ADAMTSL1: variants seen among roughly 807,000 people sequenced by gnomAD.
ADAMTSL1 encodes the protein ADAMTS like 1.
Under a neutral mutation model 201.8 loss-of-function variants are expected in ADAMTSL1, and 126 were observed. The observed-to-expected ratio is 0.62, with a 90% confidence interval of 0.54 to 0.72. The LOEUF (loss-of-function observed/expected upper bound fraction) is 0.72. Ranked by LOEUF, ADAMTSL1 falls within the 30% of genes least tolerant of loss-of-function variation. ADAMTSL1 has a pLI of 0.00. For missense variants in ADAMTSL1, 2,679 were observed against 2,277.8 expected (o/e 1.18, Z -3.59); for synonymous variants, 1,121 against 903.4 (o/e 1.24, Z -4.32).
intron 4 of ADAMTSL1, among the ~76,000 whole-genome samples, chr9:18,581,417 C>T (rs181626780): frequency 2.0e-5 from 3 of 152,146 alleles, no homozygotes; most frequent in Non-Finnish European, 2.9e-5. Context: ...ACAATTCAAC[C>T]CATGACAGCC....
chr9:18,310,483 A>G (rs555669582), intron 2 of ADAMTSL1, among the ~76,000 whole-genome samples: 1 of 151,916 alleles, frequency 6.6e-6, no homozygotes, highest in Non-Finnish European at 1.5e-5. Context: ...AATATCCAGA[A>G]TCTATAAGGA....
chr9:18,526,024 C>G (rs1819021467), intron 2 of ADAMTSL1, among the ~76,000 whole-genome samples: 1 of 152,116 alleles, frequency 6.6e-6, no homozygotes, highest in African/African-American at 2.4e-5. Flanking sequence ...ATTGATCTGT[C>G]CAATGTTGAC....
chr9:18,338,696 C>G (rs148386671), intron 2 of ADAMTSL1, among the ~76,000 whole-genome samples: 8 of 152,226 alleles, frequency 5.3e-5, no homozygotes, highest in African/African-American at 1.9e-4. Flanking sequence ...GCTGCAGGAG[C>G]TTGATGTACA....
chr9:18,899,985 T>C (rs1407745098), intron 26 of ADAMTSL1, among the ~76,000 whole-genome samples: 1 of 152,100 alleles, frequency 6.6e-6, no homozygotes, highest in Non-Finnish European at 1.5e-5. Context: ...AAAGAAACTA[T>C]CATTAGAGAG....
intron 1 of ADAMTSL1, among the ~76,000 whole-genome samples, chr9:18,485,066 T>C (rs533147130): frequency 6.6e-6 from 1 of 152,208 alleles, no homozygotes; most frequent in Non-Finnish European, 1.5e-5. Context: ...AATTATCTAA[T>C]TCTCATAAGA....
At chr9:18,089,981 G>A (rs1823937441) in intron 1 of ADAMTSL1, among the ~76,000 whole-genome samples, 1 of 152,078 alleles carries the variant, frequency 6.6e-6, no homozygotes, top group Admixed American at 6.5e-5. Context: ...ATTAAGTTTG[G>A]TAAAATACAG....
intron 2 of ADAMTSL1, among the ~76,000 whole-genome samples, chr9:18,467,518 T>C (rs955309121): frequency 6.6e-6 from 1 of 152,238 alleles, no homozygotes; most frequent in Non-Finnish European, 1.5e-5. Context: ...ATATCTATGA[T>C]ATATAATGCA....
chr9:18,016,618 GA>G (rs772776064), intron 1 of ADAMTSL1, among the ~76,000 whole-genome samples: 1 of 151,896 alleles, frequency 6.6e-6, no homozygotes, highest in Non-Finnish European at 1.5e-5. Context: ...TTATAAAATG[GA>G]ATACAAATTA....
intron 23 of ADAMTSL1, among the ~76,000 whole-genome samples, chr9:18,879,988 G>A (rs1828427183): frequency 1.3e-5 from 2 of 152,198 alleles, no homozygotes; most frequent in Admixed American, 1.3e-4. Flanking sequence ...TTCACCAAGA[G>A]TAGATTCCAT....
chr9:18,333,150 A>AT lies in ADAMTSL1; in HGVS notation c.207+169176dup, dbSNP rs577540035. Among the ~76,000 whole-genome samples the AT allele has an allele frequency of 4.4e-3, 670 of 152,112 alleles. 1 individual carries two copies. The highest frequency in any genetic ancestry group is 7.6e-3 in the Non-Finnish European group (514 of 67,970). On this transcript the variant is annotated intron_variant, in intron 2 of 29. Transcript: ENST00000680146. The stretch of plus-strand genomic sequence containing the variant: ...GGCTTCAGGTGTGATTATTATTTTT[A>AT]TTTTTTTATGTTGCCATGTATTTAT...
chr9:18,728,705 T>C lies in ADAMTSL1; in HGVS notation c.2006+7040T>C, dbSNP rs113425792. 1.8e-3 allele frequency among the ~76,000 whole-genome samples: 281 copies of C among 152,276 alleles called. 2 individuals are homozygous for C. The highest frequency in any genetic ancestry group is 6.0e-3 in the African/African-American group (250 of 41,544). On this transcript the variant is annotated intron_variant, in intron 15 of 28. Transcript: ENST00000380548. ...AATGGTAAGGCCTAAGTAGGAGTTA[T>C]CCAAATGAAGAAGGAAGATGTTGCA...
intron 1 of ADAMTSL1, among the ~76,000 whole-genome samples, chr9:18,495,496 A>T (rs1822490547): frequency 6.6e-6 from 1 of 152,232 alleles, no homozygotes; most frequent in Non-Finnish European, 1.5e-5. Flanking sequence ...CTAAGAGACT[A>T]GGTTGGTTTG....
intron 2 of ADAMTSL1, among the ~76,000 whole-genome samples, chr9:18,238,062 A>G (rs1830916430): frequency 2.0e-5 from 3 of 152,170 alleles, no homozygotes; most frequent in African/African-American, 7.2e-5. Context: ...GGTTCTAGAT[A>G]TTTCTCTTAA....
chr9:18,654,390 A>T (rs1375112397), intron 7 of ADAMTSL1, among the ~76,000 whole-genome samples: 1 of 152,266 alleles, frequency 6.6e-6, no homozygotes, highest in African/African-American at 2.4e-5. Context: ...ATCACAAACA[A>T]TAGTTAGAAA....
chr9:18,242,078 A>G (rs1397954505), intron 2 of ADAMTSL1, among the ~76,000 whole-genome samples: 1 of 152,152 alleles, frequency 6.6e-6, no homozygotes, highest in Non-Finnish European at 1.5e-5. Flanking sequence ...CTATAAGCCA[A>G]TTCTCTGATG....
chr9:18,244,455 C>G (rs749740726), intron 2 of ADAMTSL1, among the ~76,000 whole-genome samples: 3 of 152,062 alleles, frequency 2.0e-5, no homozygotes, highest in Admixed American at 6.6e-5. Flanking sequence ...CATTTTTCAT[C>G]CCACACCCCA....
At chr9:18,543,002 C>T (rs1471880141) in intron 3 of ADAMTSL1, among the ~76,000 whole-genome samples, 1 of 152,162 alleles carries the variant, frequency 6.6e-6, no homozygotes, top group Non-Finnish European at 1.5e-5. Flanking sequence ...TTTGGACGAA[C>T]TCTAGAAAAA....
chr9:18,359,810 G>GCCC (rs1458111666), intron 2 of ADAMTSL1, among the ~76,000 whole-genome samples: 82 of 87,298 alleles, frequency 9.4e-4, no homozygotes, highest in East Asian at 1.9e-3. Context: ...CAGGGTTAAT[G>GCCC]CCCCACCTCC....
intron 2 of ADAMTSL1, among the ~76,000 whole-genome samples, chr9:18,368,998 G>C (rs904419484): frequency 2.0e-5 from 3 of 152,182 alleles, no homozygotes; most frequent in African/African-American, 7.2e-5. Flanking sequence ...TTCCATTCTA[G>C]AGTTACTGTT....
Sources: allele counts gnomAD v4.1 joint callset (sites outside exome capture counted in the v4.1 genomes callset), GRCh38; gene constraint gnomAD v4.1.1; transcripts MANE v1.5; gene names NCBI Gene and HGNC (gene_info 2026-07-23, HGNC 2026-07-21).